The following TESMIN variants were observed in gnomAD, a reference collection of about 807,000 sequenced individuals.
The protein encoded by TESMIN is testis expressed metallothionein like protein.
Under a neutral mutation model 47.4 loss-of-function variants are expected in TESMIN, and 34 were observed. The observed-to-expected ratio is 0.72, with a 90% CI of 0.55 to 0.96. TESMIN has a LOEUF of 0.96. Ranked by LOEUF, TESMIN falls within the 40% of genes least tolerant of loss-of-function variation. The probability of loss-of-function intolerance (pLI) is 0.00; values close to 1 mark genes in which losing one functional copy is unlikely to be tolerated. For synonymous variants in TESMIN, 278 were observed against 258.9 expected (o/e 1.07, Z -0.71); for missense variants, 610 against 637.2 (o/e 0.96, Z 0.46).
chr11:68,721,735 T>G (rs1413738425), intron 6 of TESMIN, among the ~76,000 whole-genome samples: 1 of 152,256 alleles, frequency 6.6e-6, no homozygotes, highest in Non-Finnish European at 1.5e-5. Flanking sequence ...AGGTCTGTGC[T>G]GCTGCAGTGG....
rs1164346044 is a variant in TESMIN, at chr11:68,711,032, A to C, written c.1176T>G (p.Ser392=). The C allele has an allele frequency of 6.2e-7, 1 of 1,609,220 alleles. No homozygotes were observed. The highest frequency in any genetic ancestry group is 2.2e-5 in the East Asian group (1 of 44,800). The change falls in exon 9 of 10, where the codon TCT becomes TCG. Residue 392 remains serine, a synonymous_variant. Coordinates refer to ENST00000255087, the MANE Select transcript of TESMIN (RefSeq NM_004923.3). ...CECYEAQIMC[S]SICKCIGCKN... ...TGCAACCAATGCATTTGCAAATAGA[A>C]GAACACATAATTTGGGCCTGGTAAT...
intron 6 of TESMIN, among the ~76,000 whole-genome samples, chr11:68,734,280 T>C (rs1392230617): frequency 6.6e-6 from 1 of 152,204 alleles, no homozygotes; most frequent in Non-Finnish European, 1.5e-5. Context: ...ATTTGGCGAT[T>C]AGCTCAGAAG....
At chr11:68,741,562 G>A (rs1325824640) in intron 5 of TESMIN, among the ~76,000 whole-genome samples, 2 of 152,222 alleles carry the variant, frequency 1.3e-5, no homozygotes, top group East Asian at 1.9e-4. Flanking sequence ...CTGCAGGAGG[G>A]CGGAGTTGTG....
Position 68,738,284 on chromosome 11 carries a change from G to A in TESMIN, c.917+416C>T, listed in dbSNP as rs190164414. ...CAACTCAGCATGGAAGGCAGCGGGC[G>A]GAGGCAGCTGGAGGGCACTCTGCAG... On this transcript the variant is annotated intron_variant, in intron 6 of 9. Transcript: ENST00000255087. 3.9e-4 allele frequency: 389 copies of A among 999,282 alleles called. No homozygotes were observed. The East Asian group carries it at 4.1e-3, about 11-fold the overall frequency. The allele number at this position is 999,282 out of a possible 1,614,324, so 61.9% of individuals were successfully genotyped here.
intron 8 of TESMIN, among the ~76,000 whole-genome samples, chr11:68,712,680 T>G (rs562888679): frequency 2.6e-5 from 4 of 152,336 alleles, no homozygotes; most frequent in African/African-American, 9.6e-5. Context: ...AAGAAAAAGC[T>G]TTTGTCCAGG....
chr11:68,745,028 A>G lies in TESMIN; in HGVS notation c.714T>C (p.Val238=). 13 of 1,587,730 alleles carry G rather than the reference A, an allele frequency of 8.2e-6. No individual in the cohort carries two copies. Among genetic ancestry groups the G allele is most frequent in the Non-Finnish European group, 9.4e-6 (11 of 1,172,438 alleles). ...AATTATTTTGATCTTGATACTGAGG[A>G]ACCAAATGGAGTGCTTTTAGTTCTC... ...RTRELKALHL[V]PQYQDQNNYL... is the part of the protein sequence containing the mutation. The change falls in exon 4 of 10, where the codon GTT becomes GTC. Residue 238 remains valine, a synonymous_variant. Coordinates refer to ENST00000255087, the MANE Select transcript of TESMIN (RefSeq NM_004923.3).
intron 6 of TESMIN, chr11:68,737,784 G>A: frequency 2.6e-6 from 2 of 759,916 alleles, no homozygotes; most frequent in South Asian, 6.0e-5. Context: ...ATAGTGGTAT[G>A]CGCCTGTGGT....
At chr11:68,713,154 G>A (rs187023254) in intron 8 of TESMIN, 116 bp downstream of exon 8, 3 of 1,096,142 alleles carry the variant, frequency 2.7e-6, no homozygotes, top group East Asian at 2.8e-5. Flanking sequence ...AACTCTGGAA[G>A]AAAAAAATAA....
At chr11:68,746,262 G>A (rs1223337752) in intron 3 of TESMIN, among the ~76,000 whole-genome samples, 3 of 152,156 alleles carry the variant, frequency 2.0e-5, no homozygotes, top group Non-Finnish European at 4.4e-5. Context: ...ATCCACATGG[G>A]AGCCTTGGCT....
At chr11:68,742,741 TGA>T (rs970322902) in intron 4 of TESMIN, among the ~76,000 whole-genome samples, 12 of 152,202 alleles carry the variant, frequency 7.9e-5, no homozygotes, top group African/African-American at 2.4e-4. Context: ...AAAAAATGTT[TGA>T]GATAGGGTCT....
intron 9 of TESMIN, among the ~76,000 whole-genome samples, chr11:68,708,973 G>A (rs1289228505): frequency 2.6e-5 from 4 of 151,252 alleles, no homozygotes; most frequent in African/African-American, 9.7e-5. Flanking sequence ...GGATGGTCTC[G>A]ATCTCCTGAC....
chr11:68,750,538 G>A lies in TESMIN; in HGVS notation c.123C>T (p.Tyr41=), dbSNP rs758333152. ...TGAAGACGTGGAACTCGTCCTCCTC[G>A]TACTTCACGGGGGCCTTCAGGCCGA... ...ENIGLKAPVK[Y]EEDEFHVFKE... is the part of the protein sequence containing the mutation. Residue 41 remains tyrosine (Y), a synonymous_variant, in exon 2 of 10, where the codon TAC becomes TAT. Transcript: ENST00000255087. 3 of 1,605,834 alleles carry A rather than the reference G, an allele frequency of 1.9e-6. No homozygotes were observed. The highest frequency in any genetic ancestry group is 1.1e-5 in the South Asian group (1 of 89,362).
chr11:68,735,427 G>T (rs1420408018), intron 6 of TESMIN, among the ~76,000 whole-genome samples: 3 of 152,200 alleles, frequency 2.0e-5, no homozygotes, highest in African/African-American at 7.2e-5. Context: ...AGGGTGACAG[G>T]CCCACGAGTA....
intron 6 of TESMIN, chr11:68,737,103 A>C: frequency 2.0e-6 from 2 of 985,460 alleles, no homozygotes; most frequent in Non-Finnish European, 2.4e-6. Context: ...GTAGCCTTTT[A>C]GATCATCCTG....
chr11:68,705,963 C>A (rs1389186707), downstream of TESMIN, among the ~76,000 whole-genome samples: 1 of 137,450 alleles, frequency 7.3e-6, no homozygotes, highest in African/African-American at 2.8e-5. Flanking sequence ...GCGGAGGTTG[C>A]AGTGAGCCGA....
At chr11:68,736,779 GGGA>G (rs1384189840) in intron 6 of TESMIN, 29 of 970,136 alleles carry the variant, frequency 3.0e-5, no homozygotes, top group Non-Finnish European at 3.4e-5. Context: ...GAAGAGCAGG[GGGA>G]GGAGAACAAA....
chr11:68,723,326 C>A (rs1306679475), intron 6 of TESMIN, among the ~76,000 whole-genome samples: 1 of 151,512 alleles, frequency 6.6e-6, no homozygotes, highest in African/African-American at 2.4e-5. Flanking sequence ...CTAAATAACT[C>A]ATGAGGTAAA....
At position 68,707,733 on chromosome 11, in the gene TESMIN, G is replaced by GGA. The variant is rs753353291; in HGVS notation, c.*573_*574dup. On this transcript the variant is annotated 3_prime_UTR_variant, in exon 10 of 10. Transcript: ENST00000255087. ...TTGCCTGCGTCTCCCGGGGGCCTTA[G>GGA]GAAAGACTGACAGTTCGCGTGCCTC... is the stretch of plus-strand genomic sequence containing the variant. The GGA allele has an allele frequency of 5.5e-5, 24 of 436,848 alleles. No homozygotes were observed. Among genetic ancestry groups the GGA allele is most frequent in the Non-Finnish European group, 1.0e-4 (22 of 212,618 alleles). The allele number at this position is 436,848 out of a possible 1,614,324, so 27.1% of individuals were successfully genotyped here. A position where few individuals can be genotyped will look rare whatever the true frequency, so the allele number is the denominator to read the frequency against.
intron 6 of TESMIN, among the ~76,000 whole-genome samples, chr11:68,734,027 T>C (rs982555073): frequency 6.6e-6 from 1 of 152,198 alleles, no homozygotes; most frequent in Non-Finnish European, 1.5e-5. Flanking sequence ...TCTCTATTTT[T>C]TGTGCTCCTC....
Sources: allele counts gnomAD v4.1 joint callset (sites outside exome capture counted in the v4.1 genomes callset), GRCh38; gene constraint gnomAD v4.1.1; transcripts MANE v1.5; gene names NCBI Gene and HGNC (gene_info 2026-07-23, HGNC 2026-07-21).